Variants in VGLL4 observed in about 807,000 individuals in gnomAD.
VGLL4 encodes the protein transcription cofactor vestigial-like protein 4.
In VGLL4, 7 loss-of-function variants were observed where a neutral mutation model predicts 21.0. That is an observed-to-expected ratio of 0.33 (90% CI 0.19 to 0.63). The LOEUF is 0.63. Among genes scored for constraint, VGLL4 ranks in the 20% least tolerant of loss-of-function variants. The pLI is 0.78. For synonymous variants in VGLL4, 222 were observed against 173.2 expected (o/e 1.28, Z -2.21); for missense variants, 394 against 425.7 (o/e 0.93, Z 0.66).
At chr3:11,689,962 A>G (rs2076503474) in intron 2 of VGLL4, among the ~76,000 whole-genome samples, 1 of 152,202 alleles carries the variant, frequency 6.6e-6, no homozygotes, top group Admixed American at 6.5e-5. Flanking sequence ...TTACTGCAGG[A>G]GCCCGCAGGG....
At chr3:11,659,385 G>T (rs907764691) in intron 2 of VGLL4, among the ~76,000 whole-genome samples, 1 of 125,438 alleles carries the variant, frequency 8.0e-6, no homozygotes, top group African/African-American at 3.1e-5. Flanking sequence ...AGGCTGGAGT[G>T]CAATGGTGTG....
intron 1 of VGLL4, among the ~76,000 whole-genome samples, chr3:11,613,511 G>A (rs1398328199): frequency 5.9e-5 from 9 of 152,154 alleles, no homozygotes; most frequent in Admixed American, 3.9e-4. Context: ...AATTCACCAC[G>A]TGCTGCTCTT....
At chr3:11,721,486 T>C (rs1239575512), upstream of VGLL4, among the ~76,000 whole-genome samples, 1 of 152,248 alleles carries the variant, frequency 6.6e-6, no homozygotes, top group Non-Finnish European at 1.5e-5. Context: ...ATAGGTCCCC[T>C]GGCTTTCCTG....
intron 1 of VGLL4, among the ~76,000 whole-genome samples, chr3:11,637,937 A>G (rs995877346): frequency 6.6e-6 from 1 of 152,246 alleles, no homozygotes; most frequent in Non-Finnish European, 1.5e-5. Flanking sequence ...TCAATGTGCA[A>G]TAATAAATAC....
chr3:11,645,487 G>A (rs1008933812), upstream of VGLL4, among the ~76,000 whole-genome samples: 1 of 132,356 alleles, frequency 7.6e-6, no homozygotes, highest in Non-Finnish European at 1.6e-5. Context: ...CTACTCGGGA[G>A]GCTGAGGCAG....
chr3:11,660,382 T>A (rs1219052865), intron 2 of VGLL4, among the ~76,000 whole-genome samples: 1 of 152,168 alleles, frequency 6.6e-6, no homozygotes, highest in Non-Finnish European at 1.5e-5. Context: ...CTACTATAAT[T>A]ACACATGGCT....
intron 1 of VGLL4, chr3:11,607,413 T>G (rs1019098566): frequency 6.6e-6 from 1 of 151,750 alleles, no homozygotes; most frequent in Non-Finnish European, 1.5e-5. Context: ...GAGTCGGTGC[T>G]GGGGGCTGGG....
At chr3:11,559,549 G>A (rs1187761157) in intron 3 of VGLL4, 94 bp from the exon 4 acceptor site, 2 of 1,414,576 alleles carry the variant, frequency 1.4e-6, no homozygotes, top group African/African-American at 2.9e-5. Flanking sequence ...GCTCTGTCCT[G>A]GTGCCCTTCC....
intron 2 of VGLL4, chr3:11,671,133 T>A: frequency 1.8e-6 from 2 of 1,096,848 alleles, no homozygotes; most frequent in Non-Finnish European, 1.3e-6. Context: ...ACAAAAAGTG[T>A]TTTCATGAAG....
At chr3:11,642,287 AAAC>A (rs1259305555) in intron 1 of VGLL4, among the ~76,000 whole-genome samples, 1 of 152,232 alleles carries the variant, frequency 6.6e-6, no homozygotes, top group African/African-American at 2.4e-5. Flanking sequence ...GAGTTTTAAA[AAAC>A]AACGTGAATG....
At chr3:11,701,591 C>T (rs966405569) in intron 2 of VGLL4, among the ~76,000 whole-genome samples, 4 of 152,188 alleles carry the variant, frequency 2.6e-5, no homozygotes, top group Admixed American at 1.3e-4. Context: ...TCAGTACACA[C>T]GACAGCCCGT....
chr3:11,604,588 G>C lies in VGLL4; in HGVS notation c.83-2566C>G, dbSNP rs755521770. On this transcript the variant is annotated intron_variant, in intron 1 of 4. Transcript: ENST00000430365. ...GTGTGGTGGGGTTAAAATTATTTTTGTAAAACTGAAGCAGACATTTGTTCT... is the reference window on the plus strand; with the variant it reads ...GTGTGGTGGGGTTAAAATTATTTTTCTAAAACTGAAGCAGACATTTGTTCT... 7.5e-5 allele frequency: 67 copies of C among 892,102 alleles called. 12 individuals are homozygous for C. Among genetic ancestry groups the C allele is most frequent in the Non-Finnish European group, 7.7e-5 (58 of 751,000 alleles). 55.3% of individuals were successfully genotyped at this position (892,102 alleles called of 1,614,324 possible). A position where few individuals can be genotyped will look rare whatever the true frequency, so the allele number is the denominator to read the frequency against.
At chr3:11,667,540 T>A (rs547591617) in intron 2 of VGLL4, among the ~76,000 whole-genome samples, 1 of 152,338 alleles carries the variant, frequency 6.6e-6, no homozygotes, top group South Asian at 2.1e-4. Flanking sequence ...TATCACCATT[T>A]AGGACCTATT....
At chr3:11,572,314 C>T (rs182014403) in intron 2 of VGLL4, among the ~76,000 whole-genome samples, 1 of 152,244 alleles carries the variant, frequency 6.6e-6, no homozygotes, top group Admixed American at 6.5e-5. Flanking sequence ...TCTAAGTTTA[C>T]AAAACTAGTA....
rs1228813940 is a variant in VGLL4, at chr3:11,709,435, T to TCAAAAAAAAAAAAAAAAAAAA, written c.-13-6389_-13-6388insTTTTTTTTTTTTTTTTTTTTG. The stretch of plus-strand genomic sequence containing the variant: ...CCAGGGAACAGTGCAAGACTCCGTC[T>TCAAAAAAAAAAAAAAAAAAAA]AAAAAAAAAAAAAAAAAAAAAAAAA... On this transcript the variant is annotated intron_variant, in intron 1 of 5. Coordinates refer to the VGLL4 transcript ENST00000273038. Among the ~76,000 whole-genome samples, 21 of 108,850 alleles carry TCAAAAAAAAAAAAAAAAAAAA rather than the reference T, an allele frequency of 1.9e-4. 1 individual carries two copies. The highest frequency in any genetic ancestry group is 6.7e-4 in the African/African-American group (20 of 29,886). The allele number at this position is 108,850 out of a possible 152,430, so 71.4% of individuals were successfully genotyped here. A position where few individuals can be genotyped will look rare whatever the true frequency, so the allele number is the denominator to read the frequency against.
upstream of VGLL4, among the ~76,000 whole-genome samples, chr3:11,644,286 C>CATAT (rs139593978): frequency 8.0e-5 from 12 of 150,200 alleles, no homozygotes; most frequent in African/African-American, 2.4e-4. Context: ...ATGCATAAGC[C>CATAT]ATATATATAT....
At chr3:11,716,064 G>A (rs1256824069) in intron 1 of VGLL4, among the ~76,000 whole-genome samples, 1 of 152,054 alleles carries the variant, frequency 6.6e-6, no homozygotes, top group Admixed American at 6.6e-5. Context: ...AGCACTTTGG[G>A]AGGCCGAGGC....
At chr3:11,670,748 G>A (rs1010075880) in intron 2 of VGLL4, among the ~76,000 whole-genome samples, 6 of 152,138 alleles carry the variant, frequency 3.9e-5, no homozygotes, top group Non-Finnish European at 5.9e-5. Context: ...ATAAAAGAGA[G>A]AGTGGTGGGC....
At position 11,571,422 on chromosome 3, in the gene VGLL4, G is replaced by A. The variant is rs1366664906; in HGVS notation, c.273-6403C>T. Among the ~76,000 whole-genome samples the A allele has an allele frequency of 3.3e-5, 5 of 152,152 alleles. No individual in the cohort carries two copies. The South Asian group carries it at 6.2e-4, about 19-fold the overall frequency. On this transcript the variant is annotated intron_variant, in intron 2 of 4. Transcript: ENST00000430365. ...AAAGGGGCCAGGTGCAGTGACTCAC[G>A]CCTGTAATCCCAGCACTTTGGGAGG...
Sources: gnomAD v4.1 joint callset for allele counts (sites outside exome capture counted in the v4.1 genomes callset) on GRCh38, gnomAD v4.1.1 for gene constraint, MANE v1.5 for transcripts, NCBI Gene and HGNC (gene_info 2026-07-23, HGNC 2026-07-21) for gene names.